Variants in IL1RAPL2 observed in about 807,000 individuals in gnomAD.
The protein encoded by IL1RAPL2 is interleukin 1 receptor accessory protein like 2.
A neutral mutation model predicts 44.1 loss-of-function variants in IL1RAPL2; 3 were observed. The observed-to-expected ratio is 0.07, with a 90% CI of 0.03 to 0.18. IL1RAPL2 has a LOEUF of 0.18. Ranked by LOEUF, IL1RAPL2 falls within the 10% of genes least tolerant of loss-of-function variation. The pLI is 1.00. For missense variants in IL1RAPL2, 391 were observed against 496.4 expected (o/e 0.79, Z 2.02); for synonymous variants, 181 against 178.8 (o/e 1.01, Z -0.10).
At chrX:105,647,727 A>C (rs1370462084) in intron 6 of IL1RAPL2, among the ~76,000 whole-genome samples, 3 of 112,461 alleles carry the variant, frequency 2.7e-5, no homozygotes, top group Non-Finnish European at 1.9e-5. Context: ...AAGACTCATT[A>C]ACTAACTCTC....
intron 1 of IL1RAPL2, among the ~76,000 whole-genome samples, chrX:104,584,049 C>T (rs919725039): frequency 7.2e-5 from 8 of 111,147 alleles, no homozygotes; most frequent in African/African-American, 2.0e-4. Context: ...GTGTCAGATC[C>T]ACCAGGGGAG....
At chrX:105,438,779 G>A (rs776006790) in intron 5 of IL1RAPL2, among the ~76,000 whole-genome samples, 20 of 110,241 alleles carry the variant, frequency 1.8e-4, no homozygotes, top group Admixed American at 1.2e-3. Context: ...CTGAGCATAA[G>A]GAATTGATGC....
intron 5 of IL1RAPL2, among the ~76,000 whole-genome samples, chrX:105,363,360 G>A (rs1019368966): frequency 2.2e-5 from 2 of 89,585 alleles, no homozygotes; most frequent in African/African-American, 8.8e-5. Flanking sequence ...GAACACTTAG[G>A]TTGCTTCCAT....
At chrX:104,842,615 G>T (rs1349104755) in intron 2 of IL1RAPL2, among the ~76,000 whole-genome samples, 3 of 112,313 alleles carry the variant, frequency 2.7e-5, no homozygotes, top group South Asian at 3.7e-4. Flanking sequence ...TGTTGTCATT[G>T]CTTTCTGTTT....
At chrX:105,583,138 T>G (rs1200320125) in intron 6 of IL1RAPL2, among the ~76,000 whole-genome samples, 1 of 87,428 alleles carries the variant, frequency 1.1e-5, no homozygotes, top group African/African-American at 4.1e-5. Context: ...CAATTTTTTT[T>G]GTTTTTTTTT....
rs984616652 is a variant in IL1RAPL2 at position 104,740,638 on chromosome X, T to G, written c.82+81643T>G. On this transcript the variant is annotated intron_variant, in intron 2 of 10. Coordinates refer to ENST00000372582, the MANE Select transcript of IL1RAPL2 (RefSeq NM_017416.2). ...ATAGCTTAGTTTATAATTATTGCTC[T>G]AAACCTAGTCCGTTATTTATCGGGG... Among the ~76,000 whole-genome samples, 9 of 111,327 alleles carry G rather than the reference T, an allele frequency of 8.1e-5. No individual in the cohort carries two copies. In the Admixed American group the frequency reaches 8.7e-4, roughly 11 times the overall value.
chrX:104,848,840 T>C (rs921295003), intron 2 of IL1RAPL2, among the ~76,000 whole-genome samples: 2 of 110,700 alleles, frequency 1.8e-5, no homozygotes, highest in Non-Finnish European at 3.8e-5. Context: ...AAATAAAATT[T>C]AAGTATTCAA....
intron 4 of IL1RAPL2, among the ~76,000 whole-genome samples, chrX:105,242,741 C>T (rs1556209762): frequency 9.0e-6 from 1 of 111,373 alleles, no homozygotes; most frequent in African/African-American, 3.3e-5. Flanking sequence ...AAACAGTGCT[C>T]TCATGAAAGT....
intron 5 of IL1RAPL2, among the ~76,000 whole-genome samples, chrX:105,476,746 T>C (rs965178232): frequency 1.8e-5 from 2 of 112,422 alleles, no homozygotes; most frequent in Non-Finnish European, 3.8e-5. Context: ...TTAATGAACA[T>C]TGATTTTTTA....
At chrX:105,387,258 G>A (rs369188183) in intron 5 of IL1RAPL2, among the ~76,000 whole-genome samples, 2 of 96,873 alleles carry the variant, frequency 2.1e-5, no homozygotes, top group African/African-American at 3.8e-5. Flanking sequence ...TTTTTGAGAC[G>A]GAGTCTTACT....
At chrX:105,200,522 A>G (rs142911741) in intron 3 of IL1RAPL2, among the ~76,000 whole-genome samples, 1,289 of 112,463 alleles carry the variant, frequency 0.011, 22 homozygotes, top group African/African-American at 0.039. Context: ...AAAATCTCAC[A>G]TATCATTTTC....
chrX:105,192,797 T>C (rs2033643422), intron 2 of IL1RAPL2, among the ~76,000 whole-genome samples: 1 of 112,142 alleles, frequency 8.9e-6, no homozygotes, highest in South Asian at 3.7e-4. Context: ...GGATAACGTT[T>C]AGAAATTATT....
At chrX:104,672,497 T>A (rs1219330020) in intron 2 of IL1RAPL2, among the ~76,000 whole-genome samples, 2 of 107,173 alleles carry the variant, frequency 1.9e-5, no homozygotes, top group Non-Finnish European at 3.9e-5. Context: ...AGTCTATCAT[T>A]GTTGGACATT....
intron 2 of IL1RAPL2, among the ~76,000 whole-genome samples, chrX:105,174,177 A>G (rs984149964): frequency 8.1e-5 from 9 of 110,502 alleles, no homozygotes; most frequent in African/African-American, 3.0e-4. Flanking sequence ...CCCATTAACA[A>G]ATCTCCCTTG....
At chrX:104,953,484 C>G (rs1295524298) in intron 2 of IL1RAPL2, among the ~76,000 whole-genome samples, 1 of 111,598 alleles carries the variant, frequency 9.0e-6, no homozygotes, top group Admixed American at 9.6e-5. Context: ...TAACCCTTAA[C>G]TAAACATTCC....
At chrX:105,439,983 C>A (rs2035909460) in intron 5 of IL1RAPL2, among the ~76,000 whole-genome samples, 1 of 111,855 alleles carries the variant, frequency 8.9e-6, no homozygotes, top group African/African-American at 3.2e-5. Flanking sequence ...TCTTTCACAG[C>A]TAAATTGAAA....
intron 5 of IL1RAPL2, among the ~76,000 whole-genome samples, chrX:105,463,338 A>G (rs1472576346): frequency 9.0e-6 from 1 of 111,265 alleles, no homozygotes; most frequent in Non-Finnish European, 1.9e-5. Context: ...GACAAGGATA[A>G]GCTCTTGCCT....
intron 2 of IL1RAPL2, among the ~76,000 whole-genome samples, chrX:105,138,086 A>T (rs1163136483): frequency 2.7e-5 from 3 of 110,497 alleles, no homozygotes; most frequent in Non-Finnish European, 5.7e-5. Context: ...AAATATGTAT[A>T]TATAATTTAT....
intron 2 of IL1RAPL2, among the ~76,000 whole-genome samples, chrX:105,110,353 A>G (rs2032788695): frequency 8.9e-6 from 1 of 112,235 alleles, no homozygotes; most frequent in Non-Finnish European, 1.9e-5. Context: ...TAGATCTGGA[A>G]GAATCCAATG....
Sources: allele counts gnomAD v4.1 joint callset (sites outside exome capture counted in the v4.1 genomes callset), GRCh38; gene constraint gnomAD v4.1.1; transcripts MANE v1.5; gene names NCBI Gene and HGNC (gene_info 2026-07-23, HGNC 2026-07-21).